Variants in SAMD3 observed in about 807,000 individuals in gnomAD.
SAMD3 encodes sterile alpha motif domain containing 3, also known as sterile alpha motif domain-containing protein 3.
Under a neutral mutation model 58.5 loss-of-function variants are expected in SAMD3, and 63 were observed. That is an observed-to-expected ratio of 1.08 (90% confidence interval 0.88 to 1.33). The LOEUF (loss-of-function observed/expected upper bound fraction) is 1.33, where lower values mean the gene tolerates loss of function less well. Among genes scored for constraint, SAMD3 ranks in the 40% most tolerant of loss-of-function variants. The pLI, the probability that SAMD3 is intolerant of heterozygous loss-of-function variation, is 0.00. For synonymous variants in SAMD3, 220 were observed against 210.3 expected, an observed-to-expected ratio of 1.05 and a Z score of -0.40; for missense variants, 604 against 608.4, an observed-to-expected ratio of 0.99 and a Z score of 0.08.
At chr6:130,142,894 G>A (rs1788349146), downstream of SAMD3, 1 of 152,252 alleles carries the variant, frequency 6.6e-6, no homozygotes, top group African/African-American at 2.4e-5. Flanking sequence ...GTAATTTGGG[G>A]AAATAAAGGA....
chr6:130,179,470 A>G (rs1792059365), intron 7 of SAMD3, among the ~76,000 whole-genome samples: 1 of 152,214 alleles, frequency 6.6e-6, no homozygotes, highest in Non-Finnish European at 1.5e-5. Flanking sequence ...CATATGAAGC[A>G]GTCCACAGCA....
At chr6:130,296,859 C>T (rs73609115) in intron 2 of SAMD3, among the ~76,000 whole-genome samples, 197 of 152,122 alleles carry the variant, frequency 1.3e-3, no homozygotes, top group African/African-American at 4.4e-3. Flanking sequence ...GGGTCATGAG[C>T]CCTATGACAG....
At chr6:130,268,049 C>G (rs1452856935) in intron 2 of SAMD3, among the ~76,000 whole-genome samples, 2 of 152,186 alleles carry the variant, frequency 1.3e-5, no homozygotes, top group Non-Finnish European at 2.9e-5. Context: ...ATCATAATTT[C>G]ATAGCACAAT....
chr6:130,260,466 G>A (rs569240700), intron 2 of SAMD3, among the ~76,000 whole-genome samples: 1 of 152,228 alleles, frequency 6.6e-6, no homozygotes. Flanking sequence ...CCATAGAGTT[G>A]TGAGCCCTTA....
intron 2 of SAMD3, among the ~76,000 whole-genome samples, chr6:130,292,253 CTTTTTTTTTCTTTCTTTCTTTTTTT>C (rs1775386686): frequency 6.9e-6 from 1 of 143,964 alleles, no homozygotes; most frequent in Non-Finnish European, 1.5e-5. Flanking sequence ...TCAGGAATAA[CTTTTTTTTTCTTTCTTTCTTTTTTT>C]TTTTTTTTTG....
At chr6:130,240,077 C>T (rs1432208553) in intron 2 of SAMD3, among the ~76,000 whole-genome samples, 2 of 152,200 alleles carry the variant, frequency 1.3e-5, no homozygotes, top group Non-Finnish European at 2.9e-5. Context: ...GGAATGCAAA[C>T]CCATGCTGCA....
chr6:130,205,829 G>A (rs1795038187), intron 5 of SAMD3, among the ~76,000 whole-genome samples: 1 of 152,204 alleles, frequency 6.6e-6, no homozygotes, highest in African/African-American at 2.4e-5. Flanking sequence ...TGCCTGGCCT[G>A]GAATGTCACC....
chr6:130,211,912 C>T (rs1395839699), intron 4 of SAMD3, among the ~76,000 whole-genome samples: 1 of 149,622 alleles, frequency 6.7e-6, no homozygotes, highest in African/African-American at 2.5e-5. Flanking sequence ...TGTCTCAGAT[C>T]TAGAATGCCA....
intron 9 of SAMD3, among the ~76,000 whole-genome samples, chr6:130,147,747 C>G (rs973981530): frequency 1.3e-5 from 2 of 152,196 alleles, no homozygotes; most frequent in African/African-American, 4.8e-5. Flanking sequence ...GGCCCAGGAT[C>G]TAATCCAGGA....
intron 2 of SAMD3, among the ~76,000 whole-genome samples, chr6:130,304,651 G>A (rs532307454): frequency 1.3e-5 from 2 of 151,600 alleles, no homozygotes; most frequent in African/African-American, 2.4e-5. Flanking sequence ...GCTCTTTTCC[G>A]GACTCTTGGA....
chr6:130,298,208 A>G (rs996391243), intron 2 of SAMD3, among the ~76,000 whole-genome samples: 4 of 152,188 alleles, frequency 2.6e-5, no homozygotes, highest in African/African-American at 9.7e-5. Flanking sequence ...TTACAAACCA[A>G]AAGAGATTGG....
intron 2 of SAMD3, among the ~76,000 whole-genome samples, chr6:130,273,061 AG>A (rs1774623946): frequency 1.5e-5 from 2 of 134,180 alleles, no homozygotes; most frequent in Non-Finnish European, 3.2e-5. Flanking sequence ...GGAGTATTGA[AG>A]TTCTTTTTTT....
rs181364232 is a variant in SAMD3 at position 130,359,859 on chromosome 6, G to A, written c.-304+5261C>T. Among the ~76,000 whole-genome samples the A allele has an allele frequency of 9.4e-4, 143 of 152,292 alleles. 1 individual carries two copies. Among genetic ancestry groups the A allele is most frequent in the Non-Finnish European group, 1.8e-3 (124 of 68,022 alleles). ...GAAAATGCATAGCTTCCAGGGATATGCTAAATCTTTCAATCACTTGGGACC... is the reference window on the plus strand; with the variant it reads ...GAAAATGCATAGCTTCCAGGGATATACTAAATCTTTCAATCACTTGGGACC... On this transcript the variant is annotated intron_variant, in intron 1 of 13. Coordinates refer to the SAMD3 transcript ENST00000368134.
intron 2 of SAMD3, among the ~76,000 whole-genome samples, chr6:130,291,888 T>A (rs1775374480): frequency 1.3e-5 from 2 of 152,198 alleles, no homozygotes; most frequent in Admixed American, 1.3e-4. Context: ...AATCTGTGGG[T>A]TCTTAATGTG....
At chr6:130,171,421 C>T (rs1791233161) in intron 8 of SAMD3, among the ~76,000 whole-genome samples, 2 of 152,106 alleles carry the variant, frequency 1.3e-5, no homozygotes, top group Non-Finnish European at 1.5e-5. Flanking sequence ...TATCTTTGTT[C>T]TCACTGGTTT....
In SAMD3 at chr6:130,188,221, A is replaced by T. The variant is rs188041519; in HGVS notation, c.384-3598T>A. 8.3e-4 allele frequency among the ~76,000 whole-genome samples: 127 copies of T among 152,338 alleles called. 1 individual carries two copies. The highest frequency in any genetic ancestry group is 3.0e-3 in the African/African-American group (124 of 41,588). On this transcript the variant is annotated intron_variant, in intron 5 of 11. Coordinates refer to ENST00000439090, the MANE Select transcript of SAMD3 (RefSeq NM_001017373.4). ...CATATGGTATACTCTGATGAGGCTC[A>T]CACAGGGTAGGAAAGATGGCTCTGT...
At chr6:130,172,186 A>G (rs1323185224) in intron 8 of SAMD3, among the ~76,000 whole-genome samples, 2 of 152,166 alleles carry the variant, frequency 1.3e-5, no homozygotes, top group Admixed American at 1.3e-4. Context: ...GTGTCTTTTA[A>G]TTGAGGCATT....
intron 1 of SAMD3, among the ~76,000 whole-genome samples, chr6:130,339,190 G>C (rs1375977323): frequency 6.6e-6 from 1 of 152,106 alleles, no homozygotes; most frequent in Non-Finnish European, 1.5e-5. Context: ...GGGACTACAG[G>C]TGCCTGCCAC....
In SAMD3 at chr6:130,165,116, C is replaced by T. The variant is rs573675202; in HGVS notation, c.823-10091G>A. Reference sequence around the variant, plus strand: ...TAAACAAGGAACTAAAAAATTCAAACAACTGTTGTTTCTGGAGAAGACAAC... The same window carrying T: ...TAAACAAGGAACTAAAAAATTCAAATAACTGTTGTTTCTGGAGAAGACAAC... On this transcript the variant is annotated intron_variant, in intron 8 of 11. Transcript: ENST00000439090. 2.6e-5 allele frequency among the ~76,000 whole-genome samples: 4 copies of T among 152,150 alleles called. No individual in the cohort carries two copies. The East Asian group carries it at 7.7e-4, about 29-fold the overall frequency.
Sources: gnomAD v4.1 joint callset for allele counts (sites outside exome capture counted in the v4.1 genomes callset) on GRCh38, gnomAD v4.1.1 for gene constraint, MANE v1.5 for transcripts, NCBI Gene and HGNC (gene_info 2026-07-23, HGNC 2026-07-21) for gene names.